Variants in PDZD2 observed in about 807,000 individuals in gnomAD.
PDZD2 encodes the protein PDZ domain-containing protein 2.
Under a neutral mutation model 220.7 loss-of-function variants are expected in PDZD2, and 90 were observed. That is an observed-to-expected ratio of 0.41 (90% CI 0.34 to 0.49). The LOEUF (loss-of-function observed/expected upper bound fraction) is 0.49. Ranked by LOEUF, PDZD2 falls within the 20% of genes least tolerant of loss-of-function variation. The pLI, the probability that PDZD2 is intolerant of heterozygous loss-of-function variation, is 0.28. For synonymous variants in PDZD2, 1,375 were observed against 1,450.5 expected (o/e 0.95, Z 1.18); for missense variants, 3,174 against 3,608.5 (o/e 0.88, Z 3.08).
intron 3 of PDZD2, among the ~76,000 whole-genome samples, chr5:31,993,197 C>G (rs1448812081): frequency 6.6e-6 from 1 of 152,088 alleles, no homozygotes; most frequent in Non-Finnish European, 1.5e-5. Context: ...ACCATAGAGT[C>G]CAAAATGAGG....
intron 7 of PDZD2, among the ~76,000 whole-genome samples, chr5:32,043,248 G>A: frequency 6.6e-6 from 1 of 152,120 alleles, no homozygotes; most frequent in East Asian, 1.9e-4. Flanking sequence ...GCTATTCCAG[G>A]GCTGGCCACT....
chr5:31,988,130 T>C (rs1750858128), intron 3 of PDZD2, among the ~76,000 whole-genome samples: 2 of 152,102 alleles, frequency 1.3e-5, no homozygotes, highest in South Asian at 4.1e-4. Context: ...ACAGCACATC[T>C]CATTACTCAC....
At chr5:31,891,055 C>A (rs1740979800) in intron 2 of PDZD2, among the ~76,000 whole-genome samples, 1 of 152,040 alleles carries the variant, frequency 6.6e-6, no homozygotes, top group African/African-American at 2.4e-5. Flanking sequence ...GGCTCCAGCT[C>A]CAACCTCACC....
chr5:31,689,442 G>A (rs181839770), intron 1 of PDZD2, among the ~76,000 whole-genome samples: 231 of 142,672 alleles, frequency 1.6e-3, no homozygotes, highest in Admixed American at 2.7e-3. Context: ...AGATCTGCCC[G>A]CCTTGGCCTC....
At chr5:31,836,425 G>A (rs1008868491) in intron 2 of PDZD2, among the ~76,000 whole-genome samples, 2 of 151,984 alleles carry the variant, frequency 1.3e-5, no homozygotes, top group South Asian at 2.1e-4. Context: ...ACGGGGTTTT[G>A]CTGTGTTGGT....
chr5:31,936,742 G>T (rs1017315979), intron 2 of PDZD2, among the ~76,000 whole-genome samples: 9 of 152,204 alleles, frequency 5.9e-5, no homozygotes, highest in African/African-American at 2.2e-4. Flanking sequence ...TCATATTTCA[G>T]AGCCAACGAG....
At chr5:31,822,583 C>T (rs1359496364) in intron 2 of PDZD2, 9 of 1,101,704 alleles carry the variant, frequency 8.2e-6, no homozygotes, top group Middle Eastern at 3.1e-4. Context: ...CTGAATGGTT[C>T]GTTTTTTCAG....
chr5:32,098,224 A>AC lies in PDZD2; in HGVS notation c.7948-139dup, dbSNP rs1743908619. On this transcript the variant is annotated intron_variant, in intron 22 of 24. Coordinates refer to ENST00000438447, the MANE Select transcript of PDZD2 (RefSeq NM_178140.4). The surrounding 1 kb of genome is among the most constrained non-coding windows in gnomAD (Gnocchi z 4.1). ...ACCACTGTACTCCAGCCTGGGTGAC[A>AC]CAGCGAGACTCCCTCTCAAAAAATA... 4.9e-6 allele frequency: 4 copies of AC among 816,990 alleles called. No individual in the cohort carries two copies. Among genetic ancestry groups the AC allele is most frequent in the Non-Finnish European group, 5.7e-6 (3 of 528,974 alleles). 50.6% of individuals were successfully genotyped at this position (816,990 alleles called of 1,614,324 possible).
At chr5:32,002,892 C>A (rs1752339173) in intron 5 of PDZD2, among the ~76,000 whole-genome samples, 1 of 22,546 alleles carries the variant, frequency 4.4e-5, no homozygotes, top group African/African-American at 2.0e-4. Context: ...ACCACACACA[C>A]CAACACACAC....
chr5:32,026,218 C>T (rs1162869743), intron 6 of PDZD2, among the ~76,000 whole-genome samples: 2 of 151,654 alleles, frequency 1.3e-5, no homozygotes, highest in East Asian at 3.9e-4. Flanking sequence ...CTCACTACAA[C>T]CTCCATCTTC....
intron 1 of PDZD2, among the ~76,000 whole-genome samples, chr5:31,784,439 A>G (rs972501782): frequency 1.4e-4 from 21 of 152,244 alleles, no homozygotes; most frequent in Non-Finnish European, 2.8e-4. Context: ...TAGAAAACAA[A>G]CATCAAATCA....
At chr5:31,781,284 C>G (rs1408304459) in intron 1 of PDZD2, among the ~76,000 whole-genome samples, 1 of 152,166 alleles carries the variant, frequency 6.6e-6, no homozygotes, top group African/African-American at 2.4e-5. Context: ...TGTGGTGGTG[C>G]ACGTCTGTAA....
At chr5:32,032,886 A>G (rs918516758) in intron 6 of PDZD2, among the ~76,000 whole-genome samples, 1 of 151,940 alleles carries the variant, frequency 6.6e-6, no homozygotes, top group Non-Finnish European at 1.5e-5. Flanking sequence ...CTGCCCCACT[A>G]CCTCTCTACA....
At chr5:32,077,397 T>A (rs1028958203) in intron 18 of PDZD2, 65 bp from the exon 19 acceptor site, 1 of 1,546,082 alleles carries the variant, frequency 6.5e-7, no homozygotes. Flanking sequence ...CTATATATGA[T>A]CTCATCTTAC....
intron 3 of PDZD2, among the ~76,000 whole-genome samples, chr5:31,985,588 G>A (rs1750650582): frequency 6.6e-6 from 1 of 152,092 alleles, no homozygotes; most frequent in Admixed American, 6.6e-5. Context: ...AGCTACTCAG[G>A]AGGCTGAGGC....
chr5:32,008,870 G>A (rs1753060813), intron 5 of PDZD2, among the ~76,000 whole-genome samples: 1 of 152,176 alleles, frequency 6.6e-6, no homozygotes, highest in East Asian at 1.9e-4. Context: ...TTCAAGCCTT[G>A]CCCGCGTGGG....
chr5:31,926,336 G>A (rs1016909107), intron 2 of PDZD2, among the ~76,000 whole-genome samples: 6 of 151,406 alleles, frequency 4.0e-5, no homozygotes, highest in African/African-American at 1.5e-4. Context: ...CGAGACCAGC[G>A]GCCAACATGG....
chr5:31,880,010 T>C (rs1238230567), intron 2 of PDZD2, among the ~76,000 whole-genome samples: 1 of 150,848 alleles, frequency 6.6e-6, no homozygotes, highest in Non-Finnish European at 1.5e-5. Context: ...GCCTCCCAGG[T>C]TCAAGCAATT....
At chr5:31,867,293 G>A (rs1030215816) in intron 2 of PDZD2, among the ~76,000 whole-genome samples, 1 of 152,212 alleles carries the variant, frequency 6.6e-6, no homozygotes, top group Non-Finnish European at 1.5e-5. Context: ...TATACAGTTG[G>A]GGGCTATCCA....
Sources: allele counts gnomAD v4.1 joint callset (sites outside exome capture counted in the v4.1 genomes callset), GRCh38; gene constraint gnomAD v4.1.1; non-coding constraint Gnocchi (gnomAD v3.1); transcripts MANE v1.5; gene names NCBI Gene and HGNC (gene_info 2026-07-23, HGNC 2026-07-21).